The following NID1 variants were observed in gnomAD, a reference collection of about 807,000 sequenced individuals.
NID1 encodes the protein nidogen 1.
In NID1, 76 loss-of-function variants were observed where a neutral mutation model predicts 130.6. The ratio of observed to expected loss-of-function variants is 0.58; its 90% CI spans 0.48 to 0.70. The LOEUF (loss-of-function observed/expected upper bound fraction) is 0.70, where lower values mean the gene tolerates loss of function less well. Among genes scored for constraint, NID1 ranks in the 30% least tolerant of loss-of-function variants. The probability of loss-of-function intolerance (pLI) is 0.00; values close to 1 mark genes in which losing one functional copy is unlikely to be tolerated. For synonymous variants in NID1, 665 were observed against 675.1 expected (o/e 0.98, Z 0.23); for missense variants, 1,517 against 1,664.8 (o/e 0.91, Z 1.54).
In NID1 at chr1:235,978,068, G is replaced by C. The variant is rs149222506; in HGVS notation, c.3623-80C>G. 23 of 1,520,392 alleles carry C rather than the reference G, an allele frequency of 1.5e-5. No homozygotes were observed. In the African/African-American group the frequency reaches 2.6e-4, roughly 17 times the overall value. The allele number at this position is 1,520,392 out of a possible 1,614,324, so 94.2% of individuals were successfully genotyped here. A position where few individuals can be genotyped will look rare whatever the true frequency, so the allele number is the denominator to read the frequency against. On this transcript the variant is annotated intron_variant, in intron 19 of 19. Coordinates refer to ENST00000264187, the MANE Select transcript of NID1 (RefSeq NM_002508.3). Reference sequence around the variant, plus strand: ...CATTTAAGATAGTGGGCTCCTTCTTGTGTGTGATCCCCCTTTTAGTTTCCT... The same window carrying C: ...CATTTAAGATAGTGGGCTCCTTCTTCTGTGTGATCCCCCTTTTAGTTTCCT...
At chr1:236,037,877 T>C (rs73115283) in intron 5 of NID1, among the ~76,000 whole-genome samples, 226 of 151,980 alleles carry the variant, frequency 1.5e-3, no homozygotes, top group African/African-American at 5.3e-3. Flanking sequence ...GATGGAGAAA[T>C]AGCACAGGAA....
At chr1:236,034,136 T>C (rs1659177061) in intron 5 of NID1, among the ~76,000 whole-genome samples, 1 of 152,134 alleles carries the variant, frequency 6.6e-6, no homozygotes, top group Non-Finnish European at 1.5e-5. Context: ...GAAAAAGGCA[T>C]GAGGCTGGGC....
rs1165582510 is a variant in NID1 at position 235,979,499 on chromosome 1, C to T, written c.3509+323G>A. 6.6e-6 allele frequency among the ~76,000 whole-genome samples: 1 copy of T among 152,180 alleles called. No individual in the cohort carries two copies. Reference sequence around the variant, plus strand: ...ATGAAGTGGACATGGAGCCCACCGGCCACGTGACCCTGGGCCAACTCCTGG... The same window carrying T: ...ATGAAGTGGACATGGAGCCCACCGGTCACGTGACCCTGGGCCAACTCCTGG... On this transcript the variant is annotated intron_variant, in intron 18 of 19. Coordinates refer to ENST00000264187, the MANE Select transcript of NID1 (RefSeq NM_002508.3). The surrounding 1 kb of genome is among the most constrained non-coding windows in gnomAD (Gnocchi z 4.6).
In NID1 at chr1:235,993,853, G is replaced by A. The variant is rs1247020037; in HGVS notation, c.2547C>T (p.Cys849=). Residue 849 remains cysteine, a synonymous_variant, in exon 13 of 20, where the codon TGC becomes TGT. Coordinates refer to ENST00000264187, the MANE Select transcript of NID1 (RefSeq NM_002508.3). ...CVPGEVEKTR[C]QHEREHILGA... ...CGAGAATGTGTTCTCGCTCGTGCTG[G>A]CACCGGGTTTTCTCCACCTCTATCA... 6 of 1,612,348 alleles carry A rather than the reference G, an allele frequency of 3.7e-6. No homozygotes were observed. Among genetic ancestry groups the A allele is most frequent in the Non-Finnish European group, 5.1e-6 (6 of 1,178,554 alleles).
At chr1:236,016,634 AACTT>A (rs1658602713) in intron 10 of NID1, among the ~76,000 whole-genome samples, 1 of 152,200 alleles carries the variant, frequency 6.6e-6, no homozygotes, top group Non-Finnish European at 1.5e-5. Flanking sequence ...TAATAGCCGC[AACTT>A]ACTTCTATAA....
rs781249883 is a variant in NID1, at chr1:236,011,919, A to C, written c.2527+2T>G. 18 of 1,613,544 alleles carry C rather than the reference A, an allele frequency of 1.1e-5. No homozygotes were observed. The highest frequency in any genetic ancestry group is 9.9e-5 in the South Asian group (9 of 91,054). ...CCGACTCCAGATGTCCCACCACCTT[A>C]CCTCCGGGCACGCAACGGAAGCCGT... is the stretch of plus-strand genomic sequence containing the variant. On this transcript the variant is annotated splice_donor_variant, in intron 12 of 19. Coordinates refer to ENST00000264187, the MANE Select transcript of NID1 (RefSeq NM_002508.3). LOFTEE classifies it high-confidence loss of function.
intron 16 of NID1, among the ~76,000 whole-genome samples, 155 bp downstream of exon 16, chr1:235,981,456 G>A (rs190542674): frequency 4.6e-5 from 7 of 152,316 alleles, no homozygotes; most frequent in Admixed American, 1.3e-4. Context: ...GCATTGTACC[G>A]TGGATATCTA....
chr1:236,045,520 C>A lies in NID1; in HGVS notation c.689G>T (p.Trp230Leu). The change falls in exon 3 of 20, where the codon TGG becomes TTG. Residue 230 changes from tryptophan to leucine, a missense_variant. Physicochemically the swap from Trp to Leu is moderately conservative, Grantham distance 61. Transcript: ENST00000264187. Reference protein sequence around the residue: ...AFSQGSVGFLWKSNGAYNIFA... With the variant: ...AFSQGSVGFLLKSNGAYNIFA... ...TATGTTATAAGCTCCGTTGCTCTTC[C>A]ATAAGAATCCCACTGAACCTTGACT... The A allele has an allele frequency of 6.2e-7, 1 of 1,614,154 alleles. No homozygotes were observed. The highest frequency in any genetic ancestry group is 8.5e-7 in the Non-Finnish European group (1 of 1,180,046).
chr1:236,024,571 CCTGGAGCCA>C (rs752960277), intron 8 of NID1, among the ~76,000 whole-genome samples: 12 of 152,210 alleles, frequency 7.9e-5, no homozygotes, highest in Non-Finnish European at 1.6e-4. Flanking sequence ...ACTCCTGATG[CCTGGAGCCA>C]CAGTTGCTAT....
rs1218257089 is a variant in NID1, at chr1:236,012,028, T to C, written c.2420A>G (p.Gln807Arg). The change falls in exon 12 of 20, where the codon CAG (glutamine) becomes CGG (arginine). Residue 807 changes from glutamine (Q) to arginine (R), a missense_variant. Around this residue, in one of 3 missense-constraint regions of NID1, gnomAD observed 1,329 missense variants for 1,429.2 expected, o/e 0.93. Transcript: ENST00000264187. ...GGCGTCAGGGTGACATCGGCTTGGC[T>C]GGCATTCATCTACATCTGTAAAACA... Reference protein sequence around the residue: ...GQACQDVDECQPSRCHPDAFC... With the variant: ...GQACQDVDECRPSRCHPDAFC... The C allele has an allele frequency of 5.0e-6, 8 of 1,613,752 alleles. No individual in the cohort carries two copies. The highest frequency in any genetic ancestry group is 1.7e-5 in the Admixed American group (1 of 59,996).
At chr1:236,002,815 G>A (rs1023650772) in intron 12 of NID1, among the ~76,000 whole-genome samples, 15 of 152,256 alleles carry the variant, frequency 9.9e-5, no homozygotes, top group African/African-American at 2.6e-4. Context: ...AGGAGGTGGC[G>A]GTCAGACGTG....
At chr1:236,047,380 T>C (rs1283056135) in intron 2 of NID1, among the ~76,000 whole-genome samples, 1 of 152,112 alleles carries the variant, frequency 6.6e-6, no homozygotes, top group Admixed American at 6.6e-5. Flanking sequence ...CATTTTCCTA[T>C]AAAGGTGAAG....
At chr1:236,044,455 T>C (rs774955078) in intron 3 of NID1, among the ~76,000 whole-genome samples, 4 of 152,330 alleles carry the variant, frequency 2.6e-5, no homozygotes, top group Non-Finnish European at 4.4e-5. Flanking sequence ...TAATGGTGCA[T>C]GTTTTCTGAA....
chr1:236,033,852 T>C (rs1483014639), intron 5 of NID1, among the ~76,000 whole-genome samples: 1 of 152,212 alleles, frequency 6.6e-6, no homozygotes, highest in Non-Finnish European at 1.5e-5. Flanking sequence ...TTTATTATTG[T>C]TTAAACAGGA....
At chr1:236,006,747 G>A (rs1477976545) in intron 12 of NID1, among the ~76,000 whole-genome samples, 1 of 152,174 alleles carries the variant, frequency 6.6e-6, no homozygotes, top group East Asian at 1.9e-4. Context: ...GGCAGGTGGG[G>A]CTCCTGGGGC....
chr1:236,013,294 G>C, intron 11 of NID1, 117 bp downstream of exon 11: 2 of 1,107,194 alleles, frequency 1.8e-6, no homozygotes, highest in Non-Finnish European at 2.6e-6. Flanking sequence ...ACTCTGTGGA[G>C]ATGACAGAAG....
At chr1:236,023,290 G>GA (rs35062929) in intron 9 of NID1, among the ~76,000 whole-genome samples, 2 of 151,778 alleles carry the variant, frequency 1.3e-5, no homozygotes, top group African/African-American at 4.8e-5. Flanking sequence ...CCTTAAAAAG[G>GA]AAAAAAAATT....
intron 8 of NID1, among the ~76,000 whole-genome samples, chr1:236,024,747 C>T (rs1044672025): frequency 3.3e-5 from 5 of 152,224 alleles, no homozygotes; most frequent in Non-Finnish European, 5.9e-5. Context: ...TACACAGGAC[C>T]CCTGAGGCTT....
At chr1:236,016,719 A>AT (rs1298341862) in intron 10 of NID1, among the ~76,000 whole-genome samples, 1 of 152,170 alleles carries the variant, frequency 6.6e-6, no homozygotes, top group Non-Finnish European at 1.5e-5. Context: ...CCCAGTTGGA[A>AT]TTTTAGGTGT....
Sources: gnomAD v4.1 joint callset for allele counts (sites outside exome capture counted in the v4.1 genomes callset) on GRCh38, gnomAD v4.1.1 for gene constraint, gnomAD v4.1.1 regional missense constraint, Gnocchi (gnomAD v3.1) non-coding constraint, MANE v1.5 for transcripts, NCBI Gene and HGNC (gene_info 2026-07-23, HGNC 2026-07-21) for gene names.